PHF14: variants seen among roughly 807,000 people sequenced by gnomAD.
PHF14 encodes PHD finger protein 14.
PHF14 carries 55 observed loss-of-function variants against 117.9 expected under a neutral mutation model. The ratio of observed to expected loss-of-function variants is 0.47; its 90% CI spans 0.38 to 0.58. PHF14 has a LOEUF of 0.58. PHF14 is among the 20% of genes least tolerant of loss of function. The pLI, the probability that PHF14 is intolerant of heterozygous loss-of-function variation, is 0.00. For missense variants in PHF14, 978 were observed against 1,122.2 expected (o/e 0.87, Z 1.84); for synonymous variants, 409 against 368.6 (o/e 1.11, Z -1.26).
intron 17 of PHF14, among the ~76,000 whole-genome samples, chr7:11,155,933 T>A (rs533952417): frequency 6.6e-6 from 1 of 152,336 alleles, no homozygotes; most frequent in Non-Finnish European, 1.5e-5. Context: ...CCTTATGTTT[T>A]ATAGCCTATA....
At chr7:11,152,354 G>A (rs1269874532) in intron 17 of PHF14, among the ~76,000 whole-genome samples, 1 of 152,136 alleles carries the variant, frequency 6.6e-6, no homozygotes, top group African/African-American at 2.4e-5. Context: ...GTTCCTGAGT[G>A]TCACCAATCT....
chr7:11,042,222 T>A (rs962978159), intron 12 of PHF14, among the ~76,000 whole-genome samples: 6 of 151,904 alleles, frequency 3.9e-5, no homozygotes, highest in African/African-American at 7.2e-5. Context: ...TGAAGACTGT[T>A]TGAAAGGTTT....
At chr7:11,049,798 T>C (rs1784792109) in intron 13 of PHF14, among the ~76,000 whole-genome samples, 1 of 152,210 alleles carries the variant, frequency 6.6e-6, no homozygotes. Flanking sequence ...TGTTTTCATA[T>C]GGGACAAATG....
At chr7:11,029,555 A>C (rs1339100518) in intron 7 of PHF14, among the ~76,000 whole-genome samples, 2 of 152,054 alleles carry the variant, frequency 1.3e-5, no homozygotes, top group Non-Finnish European at 2.9e-5. Context: ...TCCTCACTCA[A>C]TTTTTGTGTG....
At position 11,010,678 on chromosome 7, in the gene PHF14, T is replaced by C. The variant is rs370759765; in HGVS notation, c.1046-3069T>C. 3.3e-5 allele frequency among the ~76,000 whole-genome samples: 5 copies of C among 152,190 alleles called. No homozygotes were observed. In the East Asian group the frequency reaches 5.8e-4, roughly 18 times the overall value. ...CACATGCATAATCTGAAAAAATATA[T>C]ATACTTTTTTGAGACGAGATTTTGC... On this transcript the variant is annotated intron_variant, in intron 4 of 17. Coordinates refer to ENST00000634607, the MANE Select transcript of PHF14 (RefSeq NM_001007157.2).
Position 11,010,420 on chromosome 7 carries a change from G to T in PHF14, c.1046-3327G>T, listed in dbSNP as rs542245089. On this transcript the variant is annotated intron_variant, in intron 4 of 17. Transcript: ENST00000634607. ...GAGTTTTGATTCCTTTGCTTATCTT[G>T]TGTGTTATAGTCTAACTCCTTTTAA... Among the ~76,000 whole-genome samples the T allele has an allele frequency of 1.6e-3, 237 of 151,794 alleles. 1 individual carries two copies. The highest frequency in any genetic ancestry group is 5.6e-3 in the African/African-American group (233 of 41,412).
chr7:11,016,282 T>A (rs1243023206), intron 5 of PHF14, among the ~76,000 whole-genome samples: 1 of 152,118 alleles, frequency 6.6e-6, no homozygotes, highest in Non-Finnish European at 1.5e-5. Context: ...TGATTAAAGG[T>A]ATAAAAAGCC....
chr7:11,000,334 C>CTTTTTTTTTTTTT (rs71023882), intron 4 of PHF14, among the ~76,000 whole-genome samples: 1 of 60,368 alleles, frequency 1.7e-5, no homozygotes, highest in Non-Finnish European at 3.0e-5. Flanking sequence ...GCTTATTTGC[C>CTTTTTTTTTTTTT]TTTTTTTTTT....
intron 4 of PHF14, among the ~76,000 whole-genome samples, chr7:11,005,771 C>A (rs1006590256): frequency 3.3e-5 from 5 of 150,098 alleles, no homozygotes; most frequent in Non-Finnish European, 7.4e-5. Context: ...GGGATAGATA[C>A]CTAGAAGTAA....
In PHF14 at chr7:11,074,216, C is replaced by CTT. The variant is rs796725577; in HGVS notation, c.2654+12142_2654+12143dup. The stretch of plus-strand genomic sequence containing the variant: ...TGCCTTTCCTTTTTTTTCTTTTTTT[C>CTT]TTTTTTTTTTTTGAGACAGAGTCTT... On this transcript the variant is annotated intron_variant, in intron 16 of 17. Transcript: ENST00000634607. Among the ~76,000 whole-genome samples the CTT allele has an allele frequency of 1.8e-3, 254 of 143,530 alleles. 1 individual carries two copies. The highest frequency in any genetic ancestry group is 6.1e-3 in the African/African-American group (240 of 39,232). 94.2% of individuals were successfully genotyped at this position (143,530 alleles called of 152,430 possible).
At chr7:11,025,460 G>A (rs1783874149) in intron 6 of PHF14, among the ~76,000 whole-genome samples, 1 of 152,270 alleles carries the variant, frequency 6.6e-6, no homozygotes, top group South Asian at 2.1e-4. Context: ...TTTCATAAAA[G>A]GAAGGATGAA....
intron 11 of PHF14, 42 bp downstream of exon 11, chr7:11,038,897 C>T: frequency 1.1e-6 from 1 of 902,868 alleles, no homozygotes; most frequent in Non-Finnish European, 1.7e-6. Context: ...GTTCTTGCTC[C>T]CTATATGATT....
chr7:11,089,493 C>T (rs1021054100), intron 16 of PHF14, among the ~76,000 whole-genome samples: 1 of 151,996 alleles, frequency 6.6e-6, no homozygotes, highest in African/African-American at 2.4e-5. Flanking sequence ...GAGTTCAAGA[C>T]CTGCCTGGGC....
At chr7:11,045,875 A>T (rs115950803) in intron 13 of PHF14, among the ~76,000 whole-genome samples, 1,844 of 152,318 alleles carry the variant, frequency 0.012, 27 homozygotes, top group African/African-American at 0.042. Context: ...ACTGTGGAAA[A>T]ATCAAACTGA....
chr7:11,135,658 C>T (rs1036013785), intron 17 of PHF14, among the ~76,000 whole-genome samples: 2 of 152,114 alleles, frequency 1.3e-5, no homozygotes, highest in Non-Finnish European at 2.9e-5. Context: ...CCTGCACTGG[C>T]AATGTTAAAT....
At chr7:11,063,586 G>T (rs992178169) in intron 16 of PHF14, 1 of 963,492 alleles carries the variant, frequency 1.0e-6, no homozygotes, top group African/African-American at 1.8e-5. Context: ...TATCTACTGT[G>T]TCTTACTAAT....
chr7:11,157,731 C>T (rs1176484682), intron 17 of PHF14, among the ~76,000 whole-genome samples: 1 of 152,132 alleles, frequency 6.6e-6, no homozygotes, highest in Admixed American at 6.5e-5. Context: ...TTAGACATCC[C>T]TCAGTGTTAC....
At chr7:11,137,505 G>A (rs1428496353) in intron 17 of PHF14, among the ~76,000 whole-genome samples, 1 of 148,054 alleles carries the variant, frequency 6.8e-6, no homozygotes, top group South Asian at 2.2e-4. Flanking sequence ...GTTTTGAATG[G>A]TTTTTTTAAA....
At chr7:11,035,355 A>C (rs927436052) in intron 7 of PHF14, among the ~76,000 whole-genome samples, 5 of 152,176 alleles carry the variant, frequency 3.3e-5, no homozygotes, top group African/African-American at 4.8e-5. Context: ...TTGAAGGGCT[A>C]CTATACAAGT....
Sources: allele counts gnomAD v4.1 joint callset (sites outside exome capture counted in the v4.1 genomes callset), GRCh38; gene constraint gnomAD v4.1.1; transcripts MANE v1.5; gene names NCBI Gene and HGNC (gene_info 2026-07-23, HGNC 2026-07-21).